Variants in PACS1 observed in about 807,000 individuals in gnomAD.
The protein encoded by PACS1 is PACS-1.
Under a neutral mutation model 115.0 loss-of-function variants are expected in PACS1, and 24 were observed. The observed-to-expected ratio is 0.21, with a 90% CI of 0.15 to 0.29. The LOEUF (loss-of-function observed/expected upper bound fraction) is 0.29. Among genes scored for constraint, PACS1 ranks in the 10% least tolerant of loss-of-function variants. PACS1 has a pLI of 1.00. For synonymous variants in PACS1, 453 were observed against 504.5 expected, an observed-to-expected ratio of 0.90 and a Z score of 1.37; for missense variants, 838 against 1,251.2, an observed-to-expected ratio of 0.67 and a Z score of 4.98.
At chr11:66,178,892 C>T (rs981426810) in intron 1 of PACS1, among the ~76,000 whole-genome samples, 1 of 152,138 alleles carries the variant, frequency 6.6e-6, no homozygotes, top group East Asian at 1.9e-4. Flanking sequence ...TGACCTTGCA[C>T]ATCTTCTGAA....
rs1054640466 is a variant in PACS1, at chr11:66,085,311, T to C, written c.356+14469T>C. Among the ~76,000 whole-genome samples the C allele has an allele frequency of 2.6e-5, 4 of 152,294 alleles. No individual in the cohort carries two copies. In the East Asian group the frequency reaches 7.7e-4, roughly 29 times the overall value. On this transcript the variant is annotated intron_variant, in intron 1 of 23. Transcript: ENST00000320580. ...CTGCAGAATGATCTAATTTGTGTAA[T>C]CTTGAAGGTGGAGCTATTTTTGAAA... is the stretch of plus-strand genomic sequence containing the variant.
At chr11:66,187,455 C>T (rs975568169) in intron 1 of PACS1, among the ~76,000 whole-genome samples, 1 of 152,148 alleles carries the variant, frequency 6.6e-6, no homozygotes, top group Non-Finnish European at 1.5e-5. Context: ...CTCCATTTTC[C>T]TCCCTTTCCC....
chr11:66,188,214 G>A (rs1356805694), intron 1 of PACS1, among the ~76,000 whole-genome samples: 1 of 147,532 alleles, frequency 6.8e-6, no homozygotes, highest in Non-Finnish European at 1.5e-5. Flanking sequence ...TATATTCTGG[G>A]TATTAATCCC....
At chr11:66,120,923 G>T in intron 1 of PACS1, 1 of 436,640 alleles carries the variant, frequency 2.3e-6, no homozygotes, top group South Asian at 1.6e-5. Flanking sequence ...CCCCAGCCCT[G>T]TGCTTCCACA....
chr11:66,147,053 A>G (rs1185332048), intron 1 of PACS1, among the ~76,000 whole-genome samples: 3 of 152,118 alleles, frequency 2.0e-5, no homozygotes, highest in Non-Finnish European at 4.4e-5. Context: ...CAAGTAAGAC[A>G]CTGTCTAAAA....
At chr11:66,100,061 G>T (rs1857878464) in intron 1 of PACS1, among the ~76,000 whole-genome samples, 1 of 151,872 alleles carries the variant, frequency 6.6e-6, no homozygotes, top group South Asian at 2.1e-4. Flanking sequence ...TGTATTTTTA[G>T]TAGAGACGTG....
chr11:66,202,111 A>G (rs539226023), intron 2 of PACS1, among the ~76,000 whole-genome samples: 49 of 152,236 alleles, frequency 3.2e-4, no homozygotes, highest in Non-Finnish European at 5.7e-4. Context: ...GAGCAGCTAT[A>G]TACCGATAAA....
chr11:66,160,400 A>G (rs1468658966), intron 1 of PACS1, among the ~76,000 whole-genome samples: 1 of 152,218 alleles, frequency 6.6e-6, no homozygotes, highest in African/African-American at 2.4e-5. Flanking sequence ...GTTTGCCAGT[A>G]TGATGTTACA....
At chr11:66,090,271 C>CTTTTT (rs930565654) in intron 1 of PACS1, among the ~76,000 whole-genome samples, 276 of 109,190 alleles carry the variant, frequency 2.5e-3, no homozygotes, top group Middle Eastern at 5.6e-3. Flanking sequence ...TCTTTCCTTT[C>CTTTTT]TTTTTTTTTT....
At chr11:66,078,578 C>G (rs141903585) in intron 1 of PACS1, among the ~76,000 whole-genome samples, 1 of 152,218 alleles carries the variant, frequency 6.6e-6, no homozygotes, top group Non-Finnish European at 1.5e-5. Flanking sequence ...GAGATAGGCT[C>G]TCACTCTGTT....
intron 5 of PACS1, 127 bp from the exon 6 acceptor site, chr11:66,216,393 G>A (rs917709462): frequency 1.5e-5 from 21 of 1,393,798 alleles, no homozygotes; most frequent in South Asian, 3.7e-5. Flanking sequence ...ATGTGGCTTC[G>A]GCCCTGGCCC....
chr11:66,188,125 T>A (rs961306470), intron 1 of PACS1, among the ~76,000 whole-genome samples: 2 of 151,992 alleles, frequency 1.3e-5, no homozygotes, highest in Non-Finnish European at 1.5e-5. Flanking sequence ...TTGAGAAATG[T>A]CTGTTCAGAT....
intron 1 of PACS1, among the ~76,000 whole-genome samples, chr11:66,175,338 T>G (rs1859831614): frequency 6.6e-6 from 1 of 152,172 alleles, no homozygotes; most frequent in African/African-American, 2.4e-5. Flanking sequence ...AGTAATATGT[T>G]TGATTGTGGA....
chr11:66,234,691 A>C (rs1010833084), intron 17 of PACS1, among the ~76,000 whole-genome samples: 32 of 152,150 alleles, frequency 2.1e-4, no homozygotes, highest in African/African-American at 7.5e-4. Flanking sequence ...CAGCCTGGGC[A>C]ACATAGCAAG....
At chr11:66,228,339 A>G (rs140831142) in intron 11 of PACS1, among the ~76,000 whole-genome samples, 10 of 152,236 alleles carry the variant, frequency 6.6e-5, no homozygotes, top group Non-Finnish European at 1.0e-4. Flanking sequence ...GTTGACTAGA[A>G]TCTGTGAAAG....
intron 1 of PACS1, among the ~76,000 whole-genome samples, chr11:66,094,653 TC>T (rs1857736363): frequency 1.3e-5 from 2 of 152,268 alleles, no homozygotes; most frequent in African/African-American, 4.8e-5. Context: ...CTGAAACTAT[TC>T]CAATCAACAG....
At chr11:66,107,220 C>G (rs768170070) in intron 1 of PACS1, among the ~76,000 whole-genome samples, 84 of 152,314 alleles carry the variant, frequency 5.5e-4, no homozygotes, top group Non-Finnish European at 9.8e-4. Context: ...CTTCTTTGCT[C>G]TTTCCTGAAA....
At chr11:66,170,704 G>A (rs1304555665) in intron 1 of PACS1, among the ~76,000 whole-genome samples, 1 of 148,550 alleles carries the variant, frequency 6.7e-6, no homozygotes, top group African/African-American at 2.6e-5. Context: ...TTGGGAGGCT[G>A]AGGCAGGTGG....
chr11:66,107,631 CT>C (rs993748432), intron 1 of PACS1, among the ~76,000 whole-genome samples: 27 of 152,272 alleles, frequency 1.8e-4, no homozygotes, highest in Admixed American at 9.8e-4. Flanking sequence ...GCTTGGAATT[CT>C]TTTACTTATA....
Sources: allele counts gnomAD v4.1 joint callset (sites outside exome capture counted in the v4.1 genomes callset), GRCh38; gene constraint gnomAD v4.1.1; transcripts MANE v1.5; gene names NCBI Gene and HGNC (gene_info 2026-07-23, HGNC 2026-07-21).